BMP6: variants seen among roughly 807,000 people sequenced by gnomAD.
BMP6 encodes VG-1-R.
Under a neutral mutation model 54.1 loss-of-function variants are expected in BMP6, and 17 were observed. The observed-to-expected ratio is 0.31, with a 90% CI of 0.22 to 0.47. The LOEUF (loss-of-function observed/expected upper bound fraction) is 0.47. Ranked by LOEUF, BMP6 falls within the 20% of genes least tolerant of loss-of-function variation. BMP6 has a pLI of 1.00. For missense variants in BMP6, 720 were observed against 690.4 expected (o/e 1.04, Z -0.48); for synonymous variants, 328 against 291.2 (o/e 1.13, Z -1.28).
At chr6:7,827,746 A>T (rs1333543961) in intron 1 of BMP6, among the ~76,000 whole-genome samples, 1 of 152,220 alleles carries the variant, frequency 6.6e-6, no homozygotes, top group Non-Finnish European at 1.5e-5. Context: ...ATCAAAACCA[A>T]ATGAAAAATG....
At chr6:7,800,910 G>T (rs1314554205) in intron 1 of BMP6, among the ~76,000 whole-genome samples, 1 of 105,882 alleles carries the variant, frequency 9.4e-6, no homozygotes, top group Non-Finnish European at 1.9e-5. Context: ...TAAAGCGGGG[G>T]GAGGGGGGGG....
intron 1 of BMP6, among the ~76,000 whole-genome samples, chr6:7,778,893 C>T (rs1480966884): frequency 6.6e-6 from 1 of 152,228 alleles, no homozygotes; most frequent in Admixed American, 6.5e-5. Context: ...CATCTGGCCT[C>T]ACTGATTATT....
intron 1 of BMP6, among the ~76,000 whole-genome samples, chr6:7,802,179 G>T (rs1053312332): frequency 6.6e-6 from 1 of 152,184 alleles, no homozygotes; most frequent in African/African-American, 2.4e-5. Flanking sequence ...CTTTGTGTCT[G>T]TTATTAAAGA....
At chr6:7,836,365 T>C (rs1475275289) in intron 1 of BMP6, among the ~76,000 whole-genome samples, 2 of 152,204 alleles carry the variant, frequency 1.3e-5, no homozygotes, top group Non-Finnish European at 2.9e-5. Flanking sequence ...GGAGGATTTC[T>C]GGATCTGGAT....
At chr6:7,877,762 A>G (rs537341997) in intron 4 of BMP6, among the ~76,000 whole-genome samples, 1 of 152,242 alleles carries the variant, frequency 6.6e-6, no homozygotes, top group Non-Finnish European at 1.5e-5. Flanking sequence ...TGTAGTTGAA[A>G]AGGGAAGGGA....
rs60557972 is a variant in BMP6 at position 7,820,884 on chromosome 6, G to T, written c.665-24256G>T. Among the ~76,000 whole-genome samples, 498 of 152,314 alleles carry T rather than the reference G, an allele frequency of 3.3e-3. 5 individuals are homozygous for T. The highest frequency in any genetic ancestry group is 0.011 in the African/African-American group (474 of 41,570). ...CATTAGATCCTCAGAAGGAGCACGC[G>T]ATCTAGATCGCTTGTGTGCCCGGTT... On this transcript the variant is annotated intron_variant, in intron 1 of 6. Coordinates refer to ENST00000283147, the MANE Select transcript of BMP6 (RefSeq NM_001718.6).
intron 2 of BMP6, among the ~76,000 whole-genome samples, chr6:7,850,638 T>C (rs1759127499): frequency 6.6e-6 from 1 of 152,248 alleles, no homozygotes; most frequent in Admixed American, 6.5e-5. Context: ...TTTAGTTTGA[T>C]ACTGCACTCT....
intron 1 of BMP6, among the ~76,000 whole-genome samples, chr6:7,809,538 T>C (rs1758405557): frequency 6.6e-6 from 1 of 152,118 alleles, no homozygotes; most frequent in Non-Finnish European, 1.5e-5. Flanking sequence ...AAGGATGAAA[T>C]GCGGTTTAAA....
chr6:7,879,934 C>CA, intron 5 of BMP6, 57 bp from the exon 6 acceptor site: 1 of 1,529,196 alleles, frequency 6.5e-7, no homozygotes, highest in Non-Finnish European at 9.1e-7. Context: ...CTGAAAAGCA[C>CA]AAATAGTGTG....
intron 1 of BMP6, among the ~76,000 whole-genome samples, chr6:7,841,296 T>G (rs1581272280): frequency 1.3e-5 from 2 of 152,310 alleles, no homozygotes; most frequent in South Asian, 4.1e-4. Context: ...GTAAGCCAAA[T>G]GCTAATGGGT....
intron 4 of BMP6, among the ~76,000 whole-genome samples, chr6:7,868,135 T>C (rs3799534): frequency 0.08 from 12,141 of 152,262 alleles, 653 homozygotes; most frequent in East Asian, 0.12. Flanking sequence ...GACAGTTCCA[T>C]ATTCTTTTAG....
intron 1 of BMP6, among the ~76,000 whole-genome samples, chr6:7,770,677 TG>T (rs1757769724): frequency 6.6e-6 from 1 of 152,236 alleles, no homozygotes; most frequent in Non-Finnish European, 1.5e-5. Flanking sequence ...GTACATCACC[TG>T]GGGTGCTCGT....
At chr6:7,747,810 C>T (rs1056925187) in intron 1 of BMP6, among the ~76,000 whole-genome samples, 2 of 151,802 alleles carry the variant, frequency 1.3e-5, no homozygotes, top group African/African-American at 4.9e-5. Context: ...CCTTGACTAG[C>T]TAATTTTTTT....
intron 1 of BMP6, among the ~76,000 whole-genome samples, chr6:7,752,027 A>G (rs940926537): frequency 3.3e-5 from 5 of 152,238 alleles, no homozygotes; most frequent in Admixed American, 6.5e-5. Context: ...TGAATTTTGT[A>G]CTGTGATAGT....
chr6:7,790,514 CAAAAAA>C (rs35572440), intron 1 of BMP6, among the ~76,000 whole-genome samples: 109 of 73,470 alleles, frequency 1.5e-3, no homozygotes, highest in Middle Eastern at 0.011. Flanking sequence ...GACCCTGTCT[CAAAAAA>C]AAAAAAAAAA....
intron 2 of BMP6, among the ~76,000 whole-genome samples, chr6:7,858,836 G>T (rs572257511): frequency 6.7e-6 from 1 of 149,448 alleles, no homozygotes; most frequent in East Asian, 2.0e-4. Context: ...AGCCTTCCTC[G>T]CTGCCATAGG....
chr6:7,851,918 C>T (rs895573801), intron 2 of BMP6, among the ~76,000 whole-genome samples: 26 of 152,058 alleles, frequency 1.7e-4, no homozygotes, highest in Admixed American at 1.7e-3. Context: ...ACAAGTTCAA[C>T]TTGTGCTTTA....
intron 1 of BMP6, among the ~76,000 whole-genome samples, chr6:7,742,188 T>G (rs551916933): frequency 6.6e-6 from 1 of 152,342 alleles, no homozygotes; most frequent in East Asian, 1.9e-4. Flanking sequence ...AGGGTTTATG[T>G]TCTGTGACTT....
chr6:7,780,659 C>A (rs1333023580), intron 1 of BMP6, among the ~76,000 whole-genome samples: 1 of 151,924 alleles, frequency 6.6e-6, no homozygotes, highest in Non-Finnish European at 1.5e-5. Context: ...AGTAAGGGAT[C>A]AATATATATT....
Sources: allele counts gnomAD v4.1 joint callset (sites outside exome capture counted in the v4.1 genomes callset), GRCh38; gene constraint gnomAD v4.1.1; transcripts MANE v1.5; gene names NCBI Gene and HGNC (gene_info 2026-07-23, HGNC 2026-07-21).